The following OSBPL3 variants were observed in gnomAD, a reference collection of about 807,000 sequenced individuals.
The protein encoded by OSBPL3 is oxysterol-binding protein-related protein 3.
Under a neutral mutation model 120.1 loss-of-function variants are expected in OSBPL3, and 65 were observed. The ratio of observed to expected loss-of-function variants is 0.54; its 90% CI spans 0.44 to 0.67. The LOEUF (loss-of-function observed/expected upper bound fraction) is 0.67. Among genes scored for constraint, OSBPL3 ranks in the 30% least tolerant of loss-of-function variants. The pLI is 0.00. For missense variants in OSBPL3, 1,004 were observed against 1,082.1 expected (o/e 0.93, Z 1.01); for synonymous variants, 416 against 402.6 (o/e 1.03, Z -0.40).
rs372234772 is a variant in OSBPL3, at chr7:24,939,013, A to C, written c.-150+40873T>G. On this transcript the variant is annotated intron_variant, in intron 1 of 22. Transcript: ENST00000313367. This position sits in a 1 kb window ranked among gnomAD's most constrained non-coding sequence, Gnocchi z 4.2. ...GGTAGGAATCAGTGTAGAAATAAAG[A>C]TTAAAGAATTTTTAGCACAGAGATA... Among the ~76,000 whole-genome samples the C allele has an allele frequency of 6.6e-6, 1 of 152,172 alleles. No homozygotes were observed. Among genetic ancestry groups the C allele is most frequent in the South Asian group, 2.1e-4 (1 of 4,828 alleles).
chr7:24,863,305 AC>A lies in OSBPL3; in HGVS notation c.778-14del, dbSNP rs778241478. ...CAAAAGATCCACCCTTTGTTTCAAAACAGGAAAGAGAGCACAGACAGTAAAG... is the reference window on the plus strand; with the variant it reads ...CAAAAGATCCACCCTTTGTTTCAAAAAGGAAAGAGAGCACAGACAGTAAAG... On this transcript the variant is annotated splice_polypyrimidine_tract_variant and intron_variant, in intron 8 of 22. Transcript: ENST00000313367. This position sits in a 1 kb window ranked among gnomAD's most constrained non-coding sequence, Gnocchi z 5.8. 110 of 1,609,178 alleles carry A rather than the reference AC, an allele frequency of 6.8e-5. No individual in the cohort carries two copies. The highest frequency in any genetic ancestry group is 2.9e-5 in the Non-Finnish European group (34 of 1,175,600).
At chr7:24,923,247 G>A (rs947867262) in intron 1 of OSBPL3, among the ~76,000 whole-genome samples, 1 of 152,214 alleles carries the variant, frequency 6.6e-6, no homozygotes, top group African/African-American at 2.4e-5. Context: ...GGGAGTCAGA[G>A]CTAGAAGAGC....
In OSBPL3 at chr7:24,972,621, G is replaced by T. The variant is rs1482006009; in HGVS notation, c.-150+7265C>A. 6.6e-6 allele frequency among the ~76,000 whole-genome samples: 1 copy of T among 152,184 alleles called. No homozygotes were observed. The highest frequency in any genetic ancestry group is 1.9e-4 in the East Asian group (1 of 5,192). ...TGGCATGTGCTTAATAAATATTTGT[G>T]AAACGTATGAGCAAAAATCTTAGCG... is the stretch of plus-strand genomic sequence containing the variant. On this transcript the variant is annotated intron_variant, in intron 1 of 22. Transcript: ENST00000313367. This position sits in a 1 kb window ranked among gnomAD's most constrained non-coding sequence, Gnocchi z 4.3.
chr7:24,809,605 C>G (rs1793510159), intron 20 of OSBPL3, among the ~76,000 whole-genome samples: 1 of 152,062 alleles, frequency 6.6e-6, no homozygotes, highest in Admixed American at 6.6e-5. Context: ...ACCCAGCAGC[C>G]CAGCAGAGGT....
chr7:24,800,847 T>C (rs993870938), intron 22 of OSBPL3, among the ~76,000 whole-genome samples: 1 of 151,926 alleles, frequency 6.6e-6, no homozygotes, highest in Non-Finnish European at 1.5e-5. Context: ...GTCTGTCATA[T>C]ACAAAACATA....
intron 1 of OSBPL3, among the ~76,000 whole-genome samples, chr7:24,895,955 A>C (rs923714718): frequency 1.3e-5 from 2 of 152,160 alleles, no homozygotes; most frequent in Admixed American, 1.3e-4. Context: ...AAAAAATAGA[A>C]CATTTACGGC....
chr7:24,978,640 G>A (rs1038433130), intron 1 of OSBPL3, among the ~76,000 whole-genome samples: 3 of 152,178 alleles, frequency 2.0e-5, no homozygotes, highest in Non-Finnish European at 4.4e-5. Context: ...ATACTTGCGG[G>A]GTACAGTGCA....
chr7:24,915,803 C>G (rs1809477587), intron 1 of OSBPL3, among the ~76,000 whole-genome samples: 1 of 152,132 alleles, frequency 6.6e-6, no homozygotes, highest in Non-Finnish European at 1.5e-5. Flanking sequence ...TCTCGAACTT[C>G]TGACCTAGTG....
At chr7:24,844,640 G>A (rs1002970556) in intron 12 of OSBPL3, among the ~76,000 whole-genome samples, 4 of 151,660 alleles carry the variant, frequency 2.6e-5, no homozygotes, top group Admixed American at 6.6e-5. Flanking sequence ...TATAAAGTTC[G>A]CCCAAATAAC....
chr7:24,963,629 T>C (rs983814597), intron 1 of OSBPL3, among the ~76,000 whole-genome samples: 2 of 152,202 alleles, frequency 1.3e-5, no homozygotes, highest in Admixed American at 6.5e-5. Context: ...TCTGCCAGCA[T>C]AGCATGGAGT....
At chr7:24,814,962 G>C in intron 19 of OSBPL3, 97 bp downstream of exon 19, 2 of 1,182,088 alleles carry the variant, frequency 1.7e-6, no homozygotes, top group South Asian at 2.7e-5. Flanking sequence ...CTGGCATAAA[G>C]GTGAAGGCGA....
rs1188734179 is a variant in OSBPL3 at position 24,959,264 on chromosome 7, A to C, written c.-150+20622T>G. 6.6e-6 allele frequency among the ~76,000 whole-genome samples: 1 copy of C among 152,188 alleles called. No individual in the cohort carries two copies. The highest frequency in any genetic ancestry group is 1.9e-4 in the East Asian group (1 of 5,204). ...AAAACGCACACATTTGTTCACCAAA[A>C]GTTATGTACGAGAATATTCACAGCA... On this transcript the variant is annotated intron_variant, in intron 1 of 22. Coordinates refer to ENST00000313367, the MANE Select transcript of OSBPL3 (RefSeq NM_015550.4). This position sits in a 1 kb window ranked among gnomAD's most constrained non-coding sequence, Gnocchi z 4.3.
chr7:24,834,916 T>C lies in OSBPL3; in HGVS notation c.1496-180A>G, dbSNP rs556311129. Among the ~76,000 whole-genome samples, 84 of 152,308 alleles carry C rather than the reference T, an allele frequency of 5.5e-4. No homozygotes were observed. The highest frequency in any genetic ancestry group is 1.1e-3 in the Non-Finnish European group (75 of 68,018). On this transcript the variant is annotated intron_variant, in intron 14 of 22. Transcript: ENST00000313367. This position sits in a 1 kb window ranked among gnomAD's most constrained non-coding sequence, Gnocchi z 5.2. ...ATTCTGAGCAATTAAATACCAAAAA[T>C]GACACACACTAAAACCCATCGACTT...
chr7:24,865,456 T>C lies in OSBPL3; in HGVS notation c.559A>G (p.Ile187Val). 1.9e-6 allele frequency: 3 copies of C among 1,613,838 alleles called. No individual in the cohort carries two copies. Among genetic ancestry groups the C allele is most frequent in the Non-Finnish European group, 2.5e-6 (3 of 1,179,770 alleles). ...GTTTGAAATAAATTCTGCTTTGATA[T>C]ACTGCTACGCTGTTCCACGGATGAC... ...DSISSRKRSS[I>V]SKQNLFQTGS... The change falls in exon 7 of 23, where the codon ATA becomes GTA. Residue 187 changes from isoleucine to valine, a missense_variant. Physicochemically the swap from Ile to Val is conservative, Grantham distance 29 (BLOSUM62 3). Coordinates refer to ENST00000313367, the MANE Select transcript of OSBPL3 (RefSeq NM_015550.4).
At position 24,918,836 on chromosome 7, in the gene OSBPL3, G is replaced by A. The variant is rs915724248; in HGVS notation, c.-149-26215C>T. Among the ~76,000 whole-genome samples the A allele has an allele frequency of 2.6e-5, 4 of 152,158 alleles. No homozygotes were observed. Among genetic ancestry groups the A allele is most frequent in the South Asian group, 4.1e-4 (2 of 4,824 alleles). ...TGATTTTAAGGAAGAATTTAGAATC[G>A]TATTACAAGGTACCAAGAAAGCTTC... On this transcript the variant is annotated intron_variant, in intron 1 of 22. Transcript: ENST00000313367. The surrounding 1 kb of genome is among the most constrained non-coding windows in gnomAD (Gnocchi z 4.3).
In OSBPL3 at chr7:24,966,005, C is replaced by T. The variant is rs1440568302; in HGVS notation, c.-150+13881G>A. Among the ~76,000 whole-genome samples the T allele has an allele frequency of 2.6e-5, 4 of 152,262 alleles. No homozygotes were observed. The East Asian group carries it at 7.7e-4, about 29-fold the overall frequency. On this transcript the variant is annotated intron_variant, in intron 1 of 22. Coordinates refer to ENST00000313367, the MANE Select transcript of OSBPL3 (RefSeq NM_015550.4). The surrounding 1 kb of genome is among the most constrained non-coding windows in gnomAD (Gnocchi z 4.8). The stretch of plus-strand genomic sequence containing the variant: ...TTGTCTTGCCCTTGTTTCCTCCAAA[C>T]CCCCTTCACATCCATTGACACCTGG...
At chr7:24,901,693 G>T (rs556036037) in intron 1 of OSBPL3, among the ~76,000 whole-genome samples, 38 of 152,270 alleles carry the variant, frequency 2.5e-4, no homozygotes, top group African/African-American at 8.9e-4. Context: ...CCAGGCTTTG[G>T]TATTCCTAAA....
At chr7:24,976,707 C>T (rs1056614353) in intron 1 of OSBPL3, among the ~76,000 whole-genome samples, 1 of 152,204 alleles carries the variant, frequency 6.6e-6, no homozygotes, top group Non-Finnish European at 1.5e-5. Flanking sequence ...ATCTCTTCCT[C>T]AGGCATTCTA....
intron 16 of OSBPL3, among the ~76,000 whole-genome samples, chr7:24,829,336 T>C (rs1796095764): frequency 6.6e-6 from 1 of 152,186 alleles, no homozygotes; most frequent in Admixed American, 6.5e-5. Context: ...ACTTCCCCAG[T>C]GTTAGTCCAT....
Sources: gnomAD v4.1 joint callset for allele counts (sites outside exome capture counted in the v4.1 genomes callset) on GRCh38, gnomAD v4.1.1 for gene constraint, Gnocchi (gnomAD v3.1) non-coding constraint, MANE v1.5 for transcripts, NCBI Gene and HGNC (gene_info 2026-07-23, HGNC 2026-07-21) for gene names.